The following GATAD1 variants were observed in gnomAD, a reference collection of about 807,000 sequenced individuals.
GATAD1 encodes the protein GATA zinc finger domain containing 1.
A neutral mutation model predicts 26.5 loss-of-function variants in GATAD1; 12 were observed. That is an observed-to-expected ratio of 0.45 (90% CI 0.29 to 0.73). The LOEUF (loss-of-function observed/expected upper bound fraction) is 0.73, where lower values mean the gene tolerates loss of function less well. Among genes scored for constraint, GATAD1 ranks in the 30% least tolerant of loss-of-function variants. GATAD1 has a pLI of 0.10. For synonymous variants in GATAD1, 129 were observed against 133.1 expected (o/e 0.97, Z 0.21); for missense variants, 266 against 342.1 (o/e 0.78, Z 1.75).
At position 92,448,838 on chromosome 7, in the gene GATAD1, C is replaced by T. The variant is rs1198303304; in HGVS notation, c.336C>T (p.Thr112=). The T allele has an allele frequency of 6.2e-7, 1 of 1,611,034 alleles. No homozygotes were observed. The highest frequency in any genetic ancestry group is 2.2e-5 in the East Asian group (1 of 44,880). The part of the protein sequence containing the change: ...SAPAAEKKVS[T]KGKGRRHIFK... ...CGGCTGCTGAAAAGAAAGTCTCCAC[C>T]AAAGGAAAAGGGAGAAGACATATAT... is the stretch of plus-strand genomic sequence containing the variant. The change falls in exon 2 of 5, where the codon ACC becomes ACT. Residue 112 remains threonine, a synonymous_variant. Coordinates refer to ENST00000287957, the MANE Select transcript of GATAD1 (RefSeq NM_021167.5).
At chr7:92,468,059 A>G in the GATAD1 span, among the ~76,000 whole-genome samples, 2 of 152,198 alleles carry the variant, frequency 1.3e-5, no homozygotes, top group African/African-American at 4.8e-5. Context: ...TTATGGATTC[A>G]AGGAATGGAA....
At chr7:92,469,070 AG>A in the GATAD1 span, 2 of 704,562 alleles carry the variant, frequency 2.8e-6, no homozygotes, top group Non-Finnish European at 5.2e-6. Context: ...AGGAGGCCCC[AG>A]GGTCCAGTGT....
At position 92,447,681 on chromosome 7, in the gene GATAD1, CG is replaced by C; in HGVS notation, c.-48del. ...ACCAGGGGGCGGCCGGGCTACCGTC[CG>C]CCATTCCCGTGTCTCTGCGCCCGCG... On this transcript the variant is annotated 5_prime_UTR_variant, in exon 1 of 5. Coordinates refer to ENST00000287957, the MANE Select transcript of GATAD1 (RefSeq NM_021167.5). 7.2e-7 allele frequency: 1 copy of C among 1,388,670 alleles called. No individual in the cohort carries two copies. Among genetic ancestry groups the C allele is most frequent in the South Asian group, 1.6e-5 (1 of 63,268 alleles). The allele number at this position is 1,388,670 out of a possible 1,614,324, so 86.0% of individuals were successfully genotyped here. A position where few individuals can be genotyped will look rare whatever the true frequency, so the allele number is the denominator to read the frequency against.
At chr7:92,494,453 T>TA in the GATAD1 span, 1 of 1,612,196 alleles carries the variant, frequency 6.2e-7, no homozygotes, top group Non-Finnish European at 8.5e-7. Context: ...GACATTTTGT[T>TA]ATAACATTCT....
the GATAD1 span, among the ~76,000 whole-genome samples, chr7:92,481,251 G>A: frequency 1.3e-5 from 2 of 152,156 alleles, no homozygotes; most frequent in East Asian, 3.8e-4. Context: ...CAATCATCAG[G>A]GTCAGGTGTG....
At chr7:92,450,356 T>TA (rs1411588552) in intron 2 of GATAD1, 3 of 218,644 alleles carry the variant, frequency 1.4e-5, no homozygotes, top group Non-Finnish European at 2.7e-5. Context: ...CATTTTCTGT[T>TA]ACTTGCATTC....
intron 3 of GATAD1, chr7:92,454,165 A>G (rs1468254986): frequency 3.8e-6 from 1 of 263,906 alleles, no homozygotes; most frequent in African/African-American, 2.4e-5. Context: ...CTTCTGCTCA[A>G]TTTTGCTGTA....
the GATAD1 span, among the ~76,000 whole-genome samples, chr7:92,466,358 C>T: frequency 2.6e-5 from 4 of 151,970 alleles, no homozygotes; most frequent in Non-Finnish European, 5.9e-5. Context: ...TGGGGTCTCA[C>T]TATATTGCTT....
At chr7:92,464,363 G>A (rs1790028326), downstream of GATAD1, among the ~76,000 whole-genome samples, 1 of 152,184 alleles carries the variant, frequency 6.6e-6, no homozygotes, top group African/African-American at 2.4e-5. Flanking sequence ...ACAAAACTCT[G>A]CACCTAGTTG....
At chr7:92,467,493 A>G in the GATAD1 span, among the ~76,000 whole-genome samples, 1 of 152,228 alleles carries the variant, frequency 6.6e-6, no homozygotes, top group East Asian at 1.9e-4. Flanking sequence ...TAAATTTGGA[A>G]GAGGAAGGAT....
In GATAD1 at chr7:92,450,651, G is replaced by C. The variant is rs774855382; in HGVS notation, c.376-50G>C. On this transcript the variant is annotated intron_variant, in intron 2 of 4. Coordinates refer to ENST00000287957, the MANE Select transcript of GATAD1 (RefSeq NM_021167.5). ...CTCTCATAGGGCTGGGAAAATGCCTGTAGACACATACATACTATGAATGTG... is the reference window on the plus strand; with the variant it reads ...CTCTCATAGGGCTGGGAAAATGCCTCTAGACACATACATACTATGAATGTG... The C allele has an allele frequency of 4.0e-5, 50 of 1,245,828 alleles. No homozygotes were observed. The South Asian group carries it at 4.8e-4, about 12-fold the overall frequency. 77.2% of individuals were successfully genotyped at this position (1,245,828 alleles called of 1,614,324 possible).
chr7:92,483,129 G>A, the GATAD1 span, among the ~76,000 whole-genome samples: 1 of 152,198 alleles, frequency 6.6e-6, no homozygotes, highest in African/African-American at 2.4e-5. Context: ...CTCTGGGATT[G>A]GCTGCCGGGT....
the GATAD1 span, among the ~76,000 whole-genome samples, chr7:92,483,332 A>T: frequency 1.2e-4 from 18 of 152,054 alleles, no homozygotes; most frequent in Middle Eastern, 3.2e-3. Context: ...TTTGCTGGAG[A>T]TGTGGCTGGG....
chr7:92,491,387 A>G, the GATAD1 span: 1 of 1,613,648 alleles, frequency 6.2e-7, no homozygotes, highest in Non-Finnish European at 8.5e-7. Flanking sequence ...TAAAGAAACA[A>G]GGGACTGATC....
At chr7:92,464,145 A>T (rs1790022143), downstream of GATAD1, among the ~76,000 whole-genome samples, 1 of 152,116 alleles carries the variant, frequency 6.6e-6, no homozygotes. Context: ...AAAAACTCTT[A>T]AAAAAATACG....
At chr7:92,470,467 G>A in the GATAD1 span, 2 of 607,260 alleles carry the variant, frequency 3.3e-6, no homozygotes, top group Non-Finnish European at 5.9e-6. Flanking sequence ...GGAATAGCTA[G>A]CGTTGTCTCC....
the GATAD1 span, among the ~76,000 whole-genome samples, chr7:92,495,537 A>G: frequency 5.3e-5 from 8 of 152,146 alleles, no homozygotes; most frequent in African/African-American, 1.9e-4. Context: ...TTTTTGCTCA[A>G]TTTTGGTCAA....
chr7:92,474,074 A>G, the GATAD1 span, among the ~76,000 whole-genome samples: 4 of 152,036 alleles, frequency 2.6e-5, no homozygotes, highest in South Asian at 2.1e-4. Context: ...TAGGCATTCA[A>G]TTTGCCCAGC....
the GATAD1 span, chr7:92,493,965 CAG>C: frequency 4.3e-5 from 13 of 299,986 alleles, no homozygotes; most frequent in Non-Finnish European, 7.0e-5. Flanking sequence ...GATTCTGTAT[CAG>C]AGTTTTTTTT....
Sources: allele counts gnomAD v4.1 joint callset (sites outside exome capture counted in the v4.1 genomes callset), GRCh38; gene constraint gnomAD v4.1.1; transcripts MANE v1.5; gene names NCBI Gene and HGNC (gene_info 2026-07-23, HGNC 2026-07-21).